RYR3: variants seen among roughly 807,000 people sequenced by gnomAD.
The protein encoded by RYR3 is ryanodine receptor 3.
A neutral mutation model predicts 584.3 loss-of-function variants in RYR3; 207 were observed. That is an observed-to-expected ratio of 0.35 (90% CI 0.32 to 0.40). RYR3 has a LOEUF of 0.40. Ranked by LOEUF, RYR3 falls within the 10% of genes least tolerant of loss-of-function variation. The pLI is 1.00. For synonymous variants in RYR3, 2,416 were observed against 2,248.5 expected, an observed-to-expected ratio of 1.07 and a Z score of -2.11; for missense variants, 5,616 against 6,089.2, an observed-to-expected ratio of 0.92 and a Z score of 2.59.
chr15:33,516,032 G>T (rs1283349160), intron 3 of RYR3, among the ~76,000 whole-genome samples: 2 of 152,048 alleles, frequency 1.3e-5, no homozygotes, highest in Non-Finnish European at 2.9e-5. Flanking sequence ...GGTACGCCTT[G>T]TTACTAAGAT....
intron 1 of RYR3, among the ~76,000 whole-genome samples, chr15:33,328,936 C>T (rs1279095968): frequency 6.6e-6 from 1 of 152,128 alleles, no homozygotes; most frequent in Non-Finnish European, 1.5e-5. Flanking sequence ...TTCTTGCTTT[C>T]CTTTTTCAGT....
Position 33,579,986 on chromosome 15 carries a change from C to A in RYR3, c.1279C>A (p.Arg427Ser). ...LFSQFVSGNN[R>S]TAAPITLPIE... ...TCTCATGGTTTTTAGCGGAAACAAT[C>A]GCACAGCTGCCCCCATCACCCTGCC... Residue 427 changes from arginine (R) to serine (S), a missense_variant, in exon 13 of 104, where the codon CGC (arginine) becomes AGC (serine). By Grantham distance (110) the Arg-to-Ser change is moderately radical. This residue lies in a region of RYR3 where 1,284 missense variants were observed against 1,344.6 expected (regional missense o/e 0.95). Coordinates refer to ENST00000634891, the MANE Select transcript of RYR3 (RefSeq NM_001036.6). 1 of 1,608,342 alleles carries A rather than the reference C, an allele frequency of 6.2e-7. No individual in the cohort carries two copies. The highest frequency in any genetic ancestry group is 8.5e-7 in the Non-Finnish European group (1 of 1,177,370).
At chr15:33,737,267 T>G (rs1192724147) in intron 49 of RYR3, among the ~76,000 whole-genome samples, 1 of 151,974 alleles carries the variant, frequency 6.6e-6, no homozygotes, top group Non-Finnish European at 1.5e-5. Flanking sequence ...TGGCCTTCCC[T>G]TTTTTTTATT....
intron 98 of RYR3, 88 bp downstream of exon 98, chr15:33,855,000 A>G (rs1315112099): frequency 7.7e-7 from 1 of 1,290,752 alleles, no homozygotes; most frequent in Non-Finnish European, 1.0e-6. Flanking sequence ...TATGACAGGA[A>G]GGAATATGTC....
chr15:33,406,804 G>C (rs1362626923), intron 1 of RYR3, among the ~76,000 whole-genome samples: 1 of 152,206 alleles, frequency 6.6e-6, no homozygotes, highest in African/African-American at 2.4e-5. Flanking sequence ...ATACATGCCA[G>C]ATCCTAGTCT....
At chr15:33,356,413 G>T (rs1425586909) in intron 1 of RYR3, among the ~76,000 whole-genome samples, 2 of 152,284 alleles carry the variant, frequency 1.3e-5, no homozygotes, top group South Asian at 2.1e-4. Context: ...GTAGGTGAGG[G>T]TGATCCACAT....
chr15:33,665,926 A>C (rs4779628), intron 36 of RYR3, among the ~76,000 whole-genome samples: 2 of 152,144 alleles, frequency 1.3e-5, no homozygotes, highest in African/African-American at 4.8e-5. Context: ...TTCTTCACTA[A>C]TGTATTAGAC....
rs115425488 is a variant in RYR3 at position 33,798,973 on chromosome 15, T to C, written c.9831-1797T>C. ...CAATTCATTCTGATGTCCTAGGGCT[T>C]AGGGAACTGGCTTTTGGTAGCTGTT... On this transcript the variant is annotated intron_variant, in intron 67 of 103. Coordinates refer to ENST00000634891, the MANE Select transcript of RYR3 (RefSeq NM_001036.6). Among the ~76,000 whole-genome samples the C allele has an allele frequency of 9.2e-3, 1,398 of 152,306 alleles. 19 individuals carry two copies. Among genetic ancestry groups the C allele is most frequent in the African/African-American group, 0.032 (1,328 of 41,558 alleles).
At chr15:33,516,157 A>T (rs2053500912) in intron 3 of RYR3, among the ~76,000 whole-genome samples, 1 of 152,140 alleles carries the variant, frequency 6.6e-6, no homozygotes, top group Non-Finnish European at 1.5e-5. Flanking sequence ...ATCTTACAAA[A>T]CATGCCAAAA....
intron 32 of RYR3, among the ~76,000 whole-genome samples, chr15:33,657,731 A>G (rs1385600949): frequency 1.3e-5 from 2 of 152,220 alleles, no homozygotes; most frequent in African/African-American, 2.4e-5. Context: ...TTTTGGTTTT[A>G]CTGGCACTTA....
rs971466468 is a variant in RYR3 at position 33,745,998 on chromosome 15, G to C, written c.7900-70G>C. The C allele has an allele frequency of 2.3e-5, 22 of 966,602 alleles. No individual in the cohort carries two copies. The Admixed American group carries it at 4.0e-4, about 18-fold the overall frequency. The allele number at this position is 966,602 out of a possible 1,614,324, so 59.9% of individuals were successfully genotyped here. The stretch of plus-strand genomic sequence containing the variant: ...CTCCACTTGCTCCATGAAAATAGAA[G>C]CAGGGATTTGGGTCACATAGCGGGG... On this transcript the variant is annotated intron_variant, in intron 52 of 103. Coordinates refer to ENST00000634891, the MANE Select transcript of RYR3 (RefSeq NM_001036.6).
chr15:33,401,599 CAG>C (rs2042673011), intron 1 of RYR3, among the ~76,000 whole-genome samples: 1 of 152,076 alleles, frequency 6.6e-6, no homozygotes, highest in African/African-American at 2.4e-5. Context: ...CTTGAGGAAA[CAG>C]ATTACAAAAC....
intron 1 of RYR3, among the ~76,000 whole-genome samples, chr15:33,315,125 G>C (rs2676080): frequency 0.41 from 61,866 of 151,968 alleles, 14,606 homozygotes; most frequent in South Asian, 0.53. Context: ...GAAAATCAAG[G>C]ATTGGTCCCT....
At chr15:33,660,092 C>G in intron 33 of RYR3, 105 bp from the exon 34 acceptor site, 1 of 744,772 alleles carries the variant, frequency 1.3e-6, no homozygotes, top group Non-Finnish European at 2.3e-6. Context: ...TCCCTGGATA[C>G]ATTTGTCCCT....
At chr15:33,428,997 C>A (rs890699832) in intron 1 of RYR3, among the ~76,000 whole-genome samples, 1 of 152,156 alleles carries the variant, frequency 6.6e-6, no homozygotes. Context: ...TCTACAGGAA[C>A]CTAGTTAAGT....
chr15:33,818,850 G>A (rs1046962355), intron 76 of RYR3, among the ~76,000 whole-genome samples, 166 bp downstream of exon 76: 32 of 152,200 alleles, frequency 2.1e-4, no homozygotes, highest in Non-Finnish European at 1.9e-4. Context: ...GGAGCCAGGC[G>A]TGGTGGCTCA....
intron 2 of RYR3, among the ~76,000 whole-genome samples, chr15:33,503,296 T>C (rs550526758): frequency 1.1e-4 from 16 of 152,330 alleles, no homozygotes; most frequent in Admixed American, 3.3e-4. Flanking sequence ...TTTCTTTCTC[T>C]GGTCTCACCC....
intron 1 of RYR3, among the ~76,000 whole-genome samples, chr15:33,469,209 A>G (rs1251788708): frequency 5.9e-5 from 9 of 152,190 alleles, no homozygotes. Context: ...AATAGGTAAT[A>G]TATGGACATG....
At chr15:33,501,942 A>G (rs1319954626) in intron 2 of RYR3, among the ~76,000 whole-genome samples, 1 of 152,170 alleles carries the variant, frequency 6.6e-6, no homozygotes, top group Non-Finnish European at 1.5e-5. Context: ...CTCTGTTACA[A>G]TCTCTTCTTA....
Sources: allele counts gnomAD v4.1 joint callset (sites outside exome capture counted in the v4.1 genomes callset), GRCh38; gene constraint gnomAD v4.1.1; regional missense constraint gnomAD v4.1.1; transcripts MANE v1.5; gene names NCBI Gene and HGNC (gene_info 2026-07-23, HGNC 2026-07-21).